MYO5C: variants seen among roughly 807,000 people sequenced by gnomAD.
The protein encoded by MYO5C is myosin VC, also known as unconventional myosin-Vc.
MYO5C carries 194 observed loss-of-function variants against 235.7 expected under a neutral mutation model. The ratio of observed to expected loss-of-function variants is 0.82; its 90% CI spans 0.73 to 0.93. MYO5C has a LOEUF of 0.93. Among genes scored for constraint, MYO5C ranks in the 40% least tolerant of loss-of-function variants. The probability of loss-of-function intolerance (pLI) is 0.00; values close to 1 mark genes in which losing one functional copy is unlikely to be tolerated. For synonymous variants in MYO5C, 707 were observed against 754.8 expected (o/e 0.94, Z 1.04); for missense variants, 2,038 against 2,127.2 (o/e 0.96, Z 0.82).
At chr15:52,256,386 G>C (rs1263802895) in intron 11 of MYO5C, among the ~76,000 whole-genome samples, 1 of 152,130 alleles carries the variant, frequency 6.6e-6, no homozygotes, top group African/African-American at 2.4e-5. Flanking sequence ...GCTGCACAGA[G>C]GGTCTGTATC....
At chr15:52,213,664 C>T (rs1208397100) in intron 33 of MYO5C, 1 of 177,186 alleles carries the variant, frequency 5.6e-6, no homozygotes, top group African/African-American at 2.4e-5. Flanking sequence ...GTGCATGATC[C>T]TTACTGAGAC....
At position 52,244,410 on chromosome 15, in the gene MYO5C, T is replaced by C; in HGVS notation, c.2336A>G (p.Glu779Gly). The change falls in exon 19 of 41, where the codon GAG becomes GGG. Residue 779 changes from glutamate (E) to glycine (G), a missense_variant. Physicochemically the swap from Glu to Gly is moderately conservative, Grantham distance 98 (BLOSUM62 -2). Transcript: ENST00000261839. ...CTGGATTATCAGGGCGGCTCGTCTC[T>C]CTCGGAGGAATTTTTTCCTCTGGAG... ...GWLQRKKFLR[E>G]RRAALIIQQY... is the part of the protein sequence containing the mutation. 6.2e-7 allele frequency: 1 copy of C among 1,614,018 alleles called. No homozygotes were observed. The highest frequency in any genetic ancestry group is 1.7e-4 in the Middle Eastern group (1 of 5,990).
intron 13 of MYO5C, 109 bp from the exon 14 acceptor site, chr15:52,248,892 C>T: frequency 1.3e-6 from 1 of 752,458 alleles, no homozygotes; most frequent in East Asian, 2.7e-5. Flanking sequence ...GCTACAGAGG[C>T]AATCTTACAA....
intron 25 of MYO5C, among the ~76,000 whole-genome samples, chr15:52,228,689 C>G (rs2035883693): frequency 6.6e-6 from 1 of 152,174 alleles, no homozygotes; most frequent in Non-Finnish European, 1.5e-5. Flanking sequence ...GTACAATATG[C>G]TCTTATTAAC....
chr15:52,252,309 TAG>T (rs1375236511), intron 12 of MYO5C, among the ~76,000 whole-genome samples: 1 of 152,172 alleles, frequency 6.6e-6, no homozygotes, highest in African/African-American at 2.4e-5. Flanking sequence ...GGCACCTGAA[TAG>T]AGAGTCCTCC....
Position 52,244,550 on chromosome 15 carries a change from C to G in MYO5C, c.2196G>C (p.Gln732His). The change falls in exon 19 of 41, where the codon CAG (glutamine) becomes CAC (histidine). Residue 732 changes from glutamine to histidine, a missense_variant. Coordinates refer to ENST00000261839, the MANE Select transcript of MYO5C (RefSeq NM_018728.4). ...TGAAGAAAATTTTGGTTTTACCAAA[C>G]TGGTACTGATTAGAATCCTGGAAGA... ...HRLIQDSNQY[Q>H]FGKTKIFFRA... The G allele has an allele frequency of 6.2e-7, 1 of 1,611,992 alleles. No homozygotes were observed. The highest frequency in any genetic ancestry group is 1.1e-5 in the South Asian group (1 of 91,004).
chr15:52,256,804 G>A, intron 10 of MYO5C, 84 bp from the exon 11 acceptor site: 1 of 1,067,652 alleles, frequency 9.4e-7, no homozygotes, highest in Non-Finnish European at 1.4e-6. Flanking sequence ...ACACTTAAAA[G>A]CTTAAACGTT....
intron 21 of MYO5C, among the ~76,000 whole-genome samples, chr15:52,238,755 C>T (rs2036146478): frequency 6.6e-6 from 1 of 151,808 alleles, no homozygotes; most frequent in Admixed American, 6.6e-5. Context: ...CATTCTCCTG[C>T]CTCAGCCTCC....
rs774956922 is a variant in MYO5C, at chr15:52,237,473, G to A, written c.2868+9C>T. The A allele has an allele frequency of 9.3e-6, 15 of 1,611,598 alleles. No homozygotes were observed. The Admixed American group carries it at 1.0e-4, about 11-fold the overall frequency. ...TATTTCCATCCCGTCTCACACGCCC[G>A]CAGCTGACCTCTTCCACAGCATCCC... On this transcript the variant is annotated intron_variant, in intron 22 of 40. Transcript: ENST00000261839.
intron 35 of MYO5C, 111 bp from the exon 36 acceptor site, chr15:52,208,754 C>T: frequency 1.3e-6 from 1 of 781,106 alleles, no homozygotes; most frequent in Non-Finnish European, 2.1e-6. Context: ...TTCTTTTATT[C>T]ACTAAAGCCT....
rs778304947 is a variant in MYO5C, at chr15:52,244,428, C to T, written c.2318G>A (p.Arg773Lys). Residue 773 changes from arginine (R) to lysine (K), a missense_variant, in exon 19 of 41, where the codon AGG (arginine) becomes AAG (lysine). Physicochemically the swap from Arg to Lys is conservative, Grantham distance 26. Transcript: ENST00000261839. ...TCGTCTCTCTCGGAGGAATTTTTTC[C>T]TCTGGAGCCAGCCACGCATGTGCTT... ...VQKHMRGWLQ[R>K]KKFLRERRAA... The T allele has an allele frequency of 9.9e-6, 16 of 1,614,128 alleles. No individual in the cohort carries two copies. In the South Asian group the frequency reaches 1.1e-4, roughly 11 times the overall value.
chr15:52,248,786 A>G lies in MYO5C; in HGVS notation c.1663-3T>C. On this transcript the variant is annotated splice_polypyrimidine_tract_variant and splice_region_variant and intron_variant, in intron 13 of 40. Coordinates refer to ENST00000261839, the MANE Select transcript of MYO5C (RefSeq NM_018728.4). ...AAACCTTCACATTTATACTCTACCT[A>G]TACAGAGAAAGCAATTAATTATTCC... The G allele has an allele frequency of 6.2e-7, 1 of 1,604,610 alleles. No individual in the cohort carries two copies. The highest frequency in any genetic ancestry group is 8.5e-7 in the Non-Finnish European group (1 of 1,171,718).
intron 5 of MYO5C, among the ~76,000 whole-genome samples, chr15:52,274,663 TC>T (rs2036999351): frequency 7.1e-6 from 1 of 140,736 alleles, no homozygotes; most frequent in African/African-American, 2.9e-5. Flanking sequence ...TTGCAGTGTT[TC>T]TTAGTACCCC....
intron 23 of MYO5C, among the ~76,000 whole-genome samples, chr15:52,235,074 C>T (rs1156361940): frequency 6.6e-6 from 1 of 152,194 alleles, no homozygotes; most frequent in Admixed American, 6.5e-5. Context: ...ATGTGTAGAG[C>T]TAGGCTAAGC....
chr15:52,276,348 G>A (rs1275057521), intron 4 of MYO5C, among the ~76,000 whole-genome samples: 1 of 152,118 alleles, frequency 6.6e-6, no homozygotes, highest in African/African-American at 2.4e-5. Context: ...ACTTCCAGGG[G>A]TCCTCTCCCA....
At chr15:52,259,576 C>T (rs2036649556) in intron 10 of MYO5C, among the ~76,000 whole-genome samples, 1 of 152,212 alleles carries the variant, frequency 6.6e-6, no homozygotes, top group Admixed American at 6.5e-5. Flanking sequence ...TTAATGAGGA[C>T]TATCCATTTT....
intron 1 of MYO5C, among the ~76,000 whole-genome samples, chr15:52,284,092 T>C (rs2037214151): frequency 6.6e-6 from 1 of 151,008 alleles, no homozygotes; most frequent in African/African-American, 2.5e-5. Context: ...AAGGCAAATA[T>C]CAAAATATAA....
intron 22 of MYO5C, 43 bp downstream of exon 22, chr15:52,237,439 G>C (rs1185772263): frequency 1.3e-6 from 2 of 1,583,940 alleles, no homozygotes; most frequent in Admixed American, 1.8e-5. Flanking sequence ...TTTTCACAGA[G>C]AGTCCGCATA....
At chr15:52,273,509 G>A (rs956505623) in intron 5 of MYO5C, among the ~76,000 whole-genome samples, 3 of 152,120 alleles carry the variant, frequency 2.0e-5, no homozygotes, top group African/African-American at 7.2e-5. Flanking sequence ...ATGATGTCAC[G>A]AGGGTGGAGC....
Sources: allele counts gnomAD v4.1 joint callset (sites outside exome capture counted in the v4.1 genomes callset), GRCh38; gene constraint gnomAD v4.1.1; transcripts MANE v1.5; gene names NCBI Gene and HGNC (gene_info 2026-07-23, HGNC 2026-07-21).